HEXA: variants seen among roughly 807,000 people sequenced by gnomAD.
HEXA encodes the protein hexosaminidase subunit alpha, also known as beta-hexosaminidase subunit alpha.
A neutral mutation model predicts 73.3 loss-of-function variants in HEXA; 54 were observed. That is an observed-to-expected ratio of 0.74 (90% confidence interval 0.59 to 0.92). The LOEUF is 0.92. Ranked by LOEUF, HEXA falls within the 40% of genes least tolerant of loss-of-function variation. The pLI is 0.00. For synonymous variants in HEXA, 230 were observed against 246.9 expected (o/e 0.93, Z 0.64); for missense variants, 649 against 653.0 (o/e 0.99, Z 0.07).
intron 5 of HEXA, chr15:72,351,461 A>G (rs1278009911): frequency 5.0e-6 from 3 of 601,014 alleles, no homozygotes; most frequent in South Asian, 3.9e-5. Context: ...ACATCCAAAG[A>G]TGGATGATAG....
chr15:72,368,354 C>T (rs1017588030), intron 1 of HEXA, among the ~76,000 whole-genome samples: 4 of 152,168 alleles, frequency 2.6e-5, no homozygotes, highest in African/African-American at 9.7e-5. Context: ...GTGACAAAAG[C>T]AAAATTTATG....
intron 1 of HEXA, chr15:72,357,479 T>A (rs2088800421): frequency 6.6e-6 from 1 of 152,330 alleles, no homozygotes. Context: ...AAAATATGAA[T>A]ACACTGTCTC....
At chr15:72,365,095 TAC>T in intron 1 of HEXA, among the ~76,000 whole-genome samples, 1 of 152,180 alleles carries the variant, frequency 6.6e-6, no homozygotes, top group East Asian at 1.9e-4. Context: ...AAATTTTTTT[TAC>T]TCTTTTTTTT....
intron 1 of HEXA, 105 bp downstream of exon 1, chr15:72,375,615 G>C: frequency 7.7e-7 from 1 of 1,298,812 alleles, no homozygotes; most frequent in South Asian, 1.3e-5. Context: ...CCTGTGATCA[G>C]AGGGCTGGAC....
chr15:72,350,876 C>G, intron 6 of HEXA: 1 of 624,906 alleles, frequency 1.6e-6, no homozygotes. Flanking sequence ...GGTATTAATA[C>G]TATGTCCATT....
intron 1 of HEXA, among the ~76,000 whole-genome samples, chr15:72,365,276 T>C (rs561562705): frequency 6.6e-6 from 1 of 152,250 alleles, no homozygotes; most frequent in South Asian, 2.1e-4. Flanking sequence ...ATTATTATTA[T>C]TTTTAGTAGA....
chr15:72,370,550 T>A (rs1278755090), intron 1 of HEXA: 3 of 397,776 alleles, frequency 7.5e-6, no homozygotes, highest in East Asian at 3.6e-5. Flanking sequence ...AATAAAAAAA[T>A]TAGCTGGGTG....
chr15:72,369,937 G>A (rs2088966766), intron 1 of HEXA: 1 of 152,172 alleles, frequency 6.6e-6, no homozygotes, highest in African/African-American at 2.4e-5. Context: ...GAAGGAAATG[G>A]AAGGAAAGGC....
intron 5 of HEXA, 103 bp downstream of exon 5, chr15:72,352,965 A>T: frequency 2.6e-6 from 2 of 760,718 alleles, no homozygotes; most frequent in South Asian, 1.4e-5. Context: ...CACCCAGTCC[A>T]TACATTCCCT....
intron 1 of HEXA, among the ~76,000 whole-genome samples, chr15:72,367,179 G>T (rs1021978944): frequency 6.6e-6 from 1 of 152,104 alleles, no homozygotes; most frequent in East Asian, 1.9e-4. Flanking sequence ...TCGACCTCAG[G>T]TAATCCACCT....
chr15:72,375,901 C>A lies in HEXA; in HGVS notation c.72G>T (p.Trp24Cys), dbSNP rs1555475519. The A allele has an allele frequency of 8.7e-6, 14 of 1,614,214 alleles. No homozygotes were observed. The highest frequency in any genetic ancestry group is 1.0e-5 in the Non-Finnish European group (12 of 1,180,048). ...AGGTTTGGAAGTTCTGAGGCCAGGG[C>A]CAGAGGGCCGTCGCCCGTCCTGCGA... is the stretch of plus-strand genomic sequence containing the variant. The part of the protein sequence containing the change: ...AAFAGRATAL[W>C]PWPQNFQTSD... Residue 24 changes from tryptophan to cysteine, a missense_variant, in exon 1 of 14, where the codon TGG becomes TGT. By Grantham distance (215) the Trp-to-Cys change is radical. Transcript: ENST00000268097.
At chr15:72,369,099 G>C (rs1008118212) in intron 1 of HEXA, among the ~76,000 whole-genome samples, 1 of 152,192 alleles carries the variant, frequency 6.6e-6, no homozygotes, top group African/African-American at 2.4e-5. Context: ...ATAGCATACA[G>C]CAGTTGGCTG....
chr15:72,372,447 A>G (rs970494483), intron 1 of HEXA, among the ~76,000 whole-genome samples: 11 of 152,178 alleles, frequency 7.2e-5, no homozygotes, highest in Admixed American at 1.3e-4. Context: ...ACCATGCTCC[A>G]CACCATGCTT....
At chr15:72,370,773 G>A in intron 1 of HEXA, 1 of 394,586 alleles carries the variant, frequency 2.5e-6, no homozygotes. Flanking sequence ...TGCAGGCCAA[G>A]CTAATCTAGG....
chr15:72,373,558 G>T (rs1200123075), intron 1 of HEXA, among the ~76,000 whole-genome samples: 1 of 152,148 alleles, frequency 6.6e-6, no homozygotes, highest in Non-Finnish European at 1.5e-5. Flanking sequence ...GTAATATATG[G>T]AAATAAACAT....
intron 7 of HEXA, among the ~76,000 whole-genome samples, chr15:72,349,536 G>A (rs936300442): frequency 9.2e-5 from 14 of 152,216 alleles, no homozygotes; most frequent in African/African-American, 3.4e-4. Context: ...ACTGCTTCTA[G>A]CAGGTGCTAC....
intron 5 of HEXA, among the ~76,000 whole-genome samples, chr15:72,351,954 C>T (rs1044082313): frequency 7.4e-6 from 1 of 135,544 alleles, no homozygotes; most frequent in Non-Finnish European, 1.5e-5. Flanking sequence ...CCTTCCTTCA[C>T]TTATTTATTT....
intron 1 of HEXA, 93 bp from the exon 2 acceptor site, chr15:72,356,710 C>G: frequency 2.5e-6 from 4 of 1,577,174 alleles, no homozygotes; most frequent in Non-Finnish European, 3.4e-6. Flanking sequence ...AGCTCACACG[C>G]CTGTGGTAAA....
In HEXA at chr15:72,350,653, G is replaced by A; in HGVS notation, c.673-3C>T. On this transcript the variant is annotated splice_region_variant and splice_polypyrimidine_tract_variant and intron_variant, in intron 6 of 13. Coordinates refer to ENST00000268097, the MANE Select transcript of HEXA (RefSeq NM_000520.6). ...TGGGTGACAGGGTTGTAGGACCCCT[G>A]AAAGGCACAAGACACCCTTCAGGTT... 1 of 1,611,690 alleles carries A rather than the reference G, an allele frequency of 6.2e-7. No individual in the cohort carries two copies. The highest frequency in any genetic ancestry group is 1.1e-5 in the South Asian group (1 of 90,894).
Sources: gnomAD v4.1 joint callset for allele counts (sites outside exome capture counted in the v4.1 genomes callset) on GRCh38, gnomAD v4.1.1 for gene constraint, MANE v1.5 for transcripts, NCBI Gene and HGNC (gene_info 2026-07-23, HGNC 2026-07-21) for gene names.